The following DYDC2 variants were observed in gnomAD, a reference collection of about 807,000 sequenced individuals.
The protein encoded by DYDC2 is DPY30 domain containing 2.
Under a neutral mutation model 18.7 loss-of-function variants are expected in DYDC2, and 19 were observed. The ratio of observed to expected loss-of-function variants is 1.02; its 90% CI spans 0.71 to 1.49. DYDC2 has a LOEUF of 1.49. DYDC2 is among the 40% of genes most tolerant of loss of function. The probability of loss-of-function intolerance (pLI) is 0.00; values close to 1 mark genes in which losing one functional copy is unlikely to be tolerated. For synonymous variants in DYDC2, 63 were observed against 67.6 expected (o/e 0.93, Z 0.34); for missense variants, 179 against 205.1 (o/e 0.87, Z 0.78).
At chr10:80,357,314 G>A (rs551749140) in intron 1 of DYDC2, among the ~76,000 whole-genome samples, 8 of 151,838 alleles carry the variant, frequency 5.3e-5, no homozygotes, top group African/African-American at 9.7e-5. Flanking sequence ...GCGTGTGCTC[G>A]TGAGGGGTCG....
At chr10:80,365,679 T>C (rs567584116) in intron 4 of DYDC2, among the ~76,000 whole-genome samples, 19 of 152,194 alleles carry the variant, frequency 1.2e-4, no homozygotes, top group Admixed American at 2.6e-4. Flanking sequence ...ACATGGATGT[T>C]AGACTGCTCA....
chr10:80,348,008 G>A (rs953248016), intron 1 of DYDC2, among the ~76,000 whole-genome samples: 4 of 152,144 alleles, frequency 2.6e-5, no homozygotes, highest in Non-Finnish European at 5.9e-5. Context: ...TTGGAATTTT[G>A]ATAGGGATTG....
upstream of DYDC2, chr10:80,352,629 TG>T (rs1564667094): frequency 6.3e-7 from 1 of 1,593,034 alleles, no homozygotes; most frequent in Admixed American, 1.8e-5. Context: ...TAAGTGTTTT[TG>T]CATTACTGCA....
intron 1 of DYDC2, among the ~76,000 whole-genome samples, chr10:80,351,707 A>C (rs952460957): frequency 6.6e-6 from 1 of 152,228 alleles, no homozygotes; most frequent in Non-Finnish European, 1.5e-5. Context: ...ATATGTGTAT[A>C]CAAGAATGCA....
At chr10:80,353,837 T>C (rs1006475369), upstream of DYDC2, among the ~76,000 whole-genome samples, 5 of 152,154 alleles carry the variant, frequency 3.3e-5, no homozygotes, top group Non-Finnish European at 7.4e-5. Context: ...TCAATAATGA[T>C]AATATCTCTT....
At chr10:80,353,210 T>C (rs1233959237), upstream of DYDC2, among the ~76,000 whole-genome samples, 1 of 151,912 alleles carries the variant, frequency 6.6e-6, no homozygotes, top group Non-Finnish European at 1.5e-5. Flanking sequence ...CTCCAAATAA[T>C]AACATATGAA....
chr10:80,366,288 C>A (rs1843836994), intron 4 of DYDC2, among the ~76,000 whole-genome samples: 1 of 152,268 alleles, frequency 6.6e-6, no homozygotes, highest in Admixed American at 6.5e-5. Flanking sequence ...ACCTCGGCCT[C>A]CCAAAGTGCT....
At chr10:80,348,696 C>T (rs1221521523) in intron 1 of DYDC2, among the ~76,000 whole-genome samples, 1 of 152,144 alleles carries the variant, frequency 6.6e-6, no homozygotes, top group Non-Finnish European at 1.5e-5. Flanking sequence ...TTGGAAGTGG[C>T]TATTCTACAA....
At chr10:80,356,287 T>G, upstream of DYDC2, 1 of 985,614 alleles carries the variant, frequency 1.0e-6, no homozygotes, top group Non-Finnish European at 1.2e-6. Context: ...AAGAAAGCCC[T>G]TTCCCACAGA....
intron 1 of DYDC2, among the ~76,000 whole-genome samples, chr10:80,344,979 A>G (rs1213061277): frequency 6.6e-6 from 1 of 152,224 alleles, no homozygotes; most frequent in Non-Finnish European, 1.5e-5. Context: ...ATCTGCTAAG[A>G]TGTGTCATAG....
chr10:80,358,096 G>C (rs1222907323), intron 2 of DYDC2, 51 bp downstream of exon 2: 1 of 983,408 alleles, frequency 1.0e-6, no homozygotes, highest in South Asian at 4.7e-5. Flanking sequence ...CATCCCCTTG[G>C]CCAGGCGCGG....
At chr10:80,360,821 G>A (rs929402562) in intron 2 of DYDC2, among the ~76,000 whole-genome samples, 8 of 149,538 alleles carry the variant, frequency 5.3e-5, no homozygotes, top group African/African-American at 1.5e-4. Context: ...GTGCAGTGGT[G>A]AGATCTCAAC....
intron 1 of DYDC2, among the ~76,000 whole-genome samples, 191 bp from the exon 2 acceptor site, chr10:80,357,702 A>G (rs1843474356): frequency 6.6e-6 from 1 of 152,138 alleles, no homozygotes; most frequent in African/African-American, 2.4e-5. Context: ...TCCCTGGCCT[A>G]GTCGTCTGTG....
chr10:80,348,613 T>C (rs1842801212), intron 1 of DYDC2, among the ~76,000 whole-genome samples: 1 of 152,188 alleles, frequency 6.6e-6, no homozygotes, highest in African/African-American at 2.4e-5. Context: ...GGCCTCAACG[T>C]AAGTGCAAAG....
intron 1 of DYDC2, among the ~76,000 whole-genome samples, chr10:80,357,130 G>A (rs1843430566): frequency 6.7e-6 from 1 of 148,760 alleles, no homozygotes; most frequent in Admixed American, 6.7e-5. Context: ...GCAGAGATGA[G>A]GCGGTGTGCA....
chr10:80,356,079 G>A (rs1843350344), upstream of DYDC2, among the ~76,000 whole-genome samples: 5 of 151,786 alleles, frequency 3.3e-5, no homozygotes, highest in Admixed American at 3.3e-4. Context: ...TATCCCTAAA[G>A]AGAAAACTTC....
intron 1 of DYDC2, among the ~76,000 whole-genome samples, chr10:80,347,754 G>GTT (rs924710249): frequency 6.6e-6 from 1 of 152,126 alleles, no homozygotes; most frequent in Non-Finnish European, 1.5e-5. Flanking sequence ...TCAAAAATTA[G>GTT]TTGACCGTAT....
chr10:80,359,097 TA>T (rs1406165382), intron 2 of DYDC2, among the ~76,000 whole-genome samples: 2 of 152,174 alleles, frequency 1.3e-5, no homozygotes, highest in African/African-American at 4.8e-5. Context: ...TTTATTCCCT[TA>T]TCCGGCCCTA....
At chr10:80,358,965 A>C (rs1843568773) in intron 2 of DYDC2, among the ~76,000 whole-genome samples, 1 of 152,218 alleles carries the variant, frequency 6.6e-6, no homozygotes. Flanking sequence ...ACAGCTCATA[A>C]AGGCAGTGCA....
Sources: gnomAD v4.1 joint callset for allele counts (sites outside exome capture counted in the v4.1 genomes callset) on GRCh38, gnomAD v4.1.1 for gene constraint, MANE v1.5 for transcripts, NCBI Gene and HGNC (gene_info 2026-07-23, HGNC 2026-07-21) for gene names.